The following EPHA3 variants were observed in gnomAD, a reference collection of about 807,000 sequenced individuals.
EPHA3 encodes ephrin type-A receptor 3.
A neutral mutation model predicts 107.1 loss-of-function variants in EPHA3; 42 were observed. That is an observed-to-expected ratio of 0.39 (90% CI 0.31 to 0.51). The LOEUF (loss-of-function observed/expected upper bound fraction) is 0.51. Ranked by LOEUF, EPHA3 falls within the 20% of genes least tolerant of loss-of-function variation. The pLI is 0.78. For synonymous variants in EPHA3, 461 were observed against 424.8 expected, an observed-to-expected ratio of 1.09 and a Z score of -1.05; for missense variants, 1,183 against 1,211.2, an observed-to-expected ratio of 0.98 and a Z score of 0.35.
intron 3 of EPHA3, among the ~76,000 whole-genome samples, chr3:89,306,025 C>T (rs568625107): frequency 3.5e-4 from 53 of 152,164 alleles, no homozygotes; most frequent in African/African-American, 1.2e-3. Context: ...TGGCTATAAA[C>T]GTCTCATCGT....
At chr3:89,351,580 C>A (rs1337222917) in intron 5 of EPHA3, among the ~76,000 whole-genome samples, 3 of 151,122 alleles carry the variant, frequency 2.0e-5, no homozygotes, top group African/African-American at 7.3e-5. Flanking sequence ...CCGTCTTCTG[C>A]GTCGCTCACG....
intron 2 of EPHA3, among the ~76,000 whole-genome samples, chr3:89,136,377 G>A (rs1186514373): frequency 2.4e-4 from 9 of 37,832 alleles, no homozygotes; most frequent in Non-Finnish European, 4.4e-4. Context: ...GAAACAAAAT[G>A]CACTCTGAAA....
chr3:89,129,829 A>C (rs1704168332), intron 2 of EPHA3, among the ~76,000 whole-genome samples: 1 of 152,138 alleles, frequency 6.6e-6, no homozygotes, highest in South Asian at 2.1e-4. Context: ...ATCCTTGCTG[A>C]AACGTTTTTC....
chr3:89,343,583 A>G (rs1224635981), intron 5 of EPHA3, among the ~76,000 whole-genome samples: 1 of 152,150 alleles, frequency 6.6e-6, no homozygotes, highest in Non-Finnish European at 1.5e-5. Context: ...CAATGGATAG[A>G]TATTTTAAAT....
chr3:89,297,047 G>A (rs1429458126), intron 3 of EPHA3, among the ~76,000 whole-genome samples: 4 of 152,134 alleles, frequency 2.6e-5, no homozygotes, highest in African/African-American at 9.7e-5. Context: ...GCTCAGGATT[G>A]GGCTTTGGCT....
chr3:89,275,322 G>A (rs1226641717), intron 3 of EPHA3, among the ~76,000 whole-genome samples: 4 of 151,954 alleles, frequency 2.6e-5, no homozygotes, highest in East Asian at 1.9e-4. Flanking sequence ...GAAAACTGTC[G>A]GCACCAGAGC....
At chr3:89,396,289 T>G (rs1452919098) in intron 6 of EPHA3, among the ~76,000 whole-genome samples, 2 of 152,228 alleles carry the variant, frequency 1.3e-5, no homozygotes, top group Non-Finnish European at 2.9e-5. Context: ...AGTCTATTTG[T>G]GAACTGTTTT....
At chr3:89,361,803 G>A (rs1314516988) in intron 5 of EPHA3, among the ~76,000 whole-genome samples, 1 of 150,970 alleles carries the variant, frequency 6.6e-6, no homozygotes, top group Non-Finnish European at 1.5e-5. Flanking sequence ...ACAGTGTGGG[G>A]ACCACATGAG....
chr3:89,251,038 C>G (rs995923507), intron 3 of EPHA3, among the ~76,000 whole-genome samples: 2 of 152,092 alleles, frequency 1.3e-5, no homozygotes, highest in Admixed American at 6.6e-5. Context: ...TTCTCTGAGA[C>G]TATGAAATAA....
chr3:89,433,305 A>T (rs1019236057), intron 13 of EPHA3, among the ~76,000 whole-genome samples: 28 of 120,524 alleles, frequency 2.3e-4, no homozygotes, highest in South Asian at 4.9e-4. Flanking sequence ...ATTCCCGATT[A>T]AAAAAAAAAG....
chr3:89,414,468 GT>G lies in EPHA3; in HGVS notation c.1888+1205del, dbSNP rs566108129. 1.8e-3 allele frequency among the ~76,000 whole-genome samples: 270 copies of G among 151,682 alleles called. 3 individuals are homozygous for G. Among genetic ancestry groups the G allele is most frequent in the Non-Finnish European group, 3.2e-3 (218 of 67,732 alleles). On this transcript the variant is annotated intron_variant, in intron 10 of 16. Coordinates refer to ENST00000336596, the MANE Select transcript of EPHA3 (RefSeq NM_005233.6). ...TCCAGTGCCAAAACAGATATATATT[GT>G]TTACTCTGTTTCATTTCTTCAGTCC...
intron 3 of EPHA3, among the ~76,000 whole-genome samples, chr3:89,322,562 A>G (rs568773910): frequency 2.0e-5 from 3 of 152,258 alleles, no homozygotes; most frequent in Admixed American, 2.0e-4. Flanking sequence ...AAAAGTGAGG[A>G]CGAGATGTAG....
intron 13 of EPHA3, among the ~76,000 whole-genome samples, chr3:89,432,051 T>C (rs952360883): frequency 6.6e-6 from 1 of 152,168 alleles, no homozygotes; most frequent in African/African-American, 2.4e-5. Flanking sequence ...TTGTTGTATC[T>C]TTTTTAAAGC....
At chr3:89,266,534 A>G (rs1559624918) in intron 3 of EPHA3, among the ~76,000 whole-genome samples, 1 of 152,146 alleles carries the variant, frequency 6.6e-6, no homozygotes, top group Non-Finnish European at 1.5e-5. Context: ...ATTTTGACTA[A>G]AAGTCTTCTG....
At chr3:89,282,328 CTTTGT>C (rs1705968233) in intron 3 of EPHA3, among the ~76,000 whole-genome samples, 1 of 152,034 alleles carries the variant, frequency 6.6e-6, no homozygotes, top group African/African-American at 2.4e-5. Context: ...ATATGCCAGA[CTTTGT>C]TTTGAGTATT....
chr3:89,235,506 G>T (rs1216765804), intron 3 of EPHA3, among the ~76,000 whole-genome samples: 1 of 151,784 alleles, frequency 6.6e-6, no homozygotes, highest in African/African-American at 2.4e-5. Context: ...TAATATTATA[G>T]ATAATTCTTG....
At chr3:89,271,798 C>T (rs1226473104) in intron 3 of EPHA3, among the ~76,000 whole-genome samples, 4 of 151,768 alleles carry the variant, frequency 2.6e-5, no homozygotes, top group Admixed American at 2.0e-4. Context: ...TGCCATCAAG[C>T]GAGTCACTTT....
intron 5 of EPHA3, among the ~76,000 whole-genome samples, chr3:89,342,541 A>T (rs1707552808): frequency 6.6e-6 from 1 of 152,174 alleles, no homozygotes; most frequent in East Asian, 1.9e-4. Flanking sequence ...GATAGTTATA[A>T]ATCTCTGATT....
At chr3:89,411,902 G>A (rs1016303596) in intron 9 of EPHA3, among the ~76,000 whole-genome samples, 2 of 151,916 alleles carry the variant, frequency 1.3e-5, no homozygotes, top group Non-Finnish European at 2.9e-5. Flanking sequence ...ATTGGAAACA[G>A]TAATATCTGA....
Sources: allele counts gnomAD v4.1 joint callset (sites outside exome capture counted in the v4.1 genomes callset), GRCh38; gene constraint gnomAD v4.1.1; transcripts MANE v1.5; gene names NCBI Gene and HGNC (gene_info 2026-07-23, HGNC 2026-07-21).